The following ZBTB20 variants were observed in gnomAD, a reference collection of about 807,000 sequenced individuals.
ZBTB20 encodes zinc finger and BTB domain-containing protein 20.
In ZBTB20, 9 loss-of-function variants were observed where a neutral mutation model predicts 56.9. The ratio of observed to expected loss-of-function variants is 0.16; its 90% CI spans 0.10 to 0.28. The LOEUF (loss-of-function observed/expected upper bound fraction) is 0.28. ZBTB20 is among the 10% of genes least tolerant of loss of function. The pLI is 1.00. For synonymous variants in ZBTB20, 417 were observed against 420.7 expected (o/e 0.99, Z 0.11); for missense variants, 655 against 1,003.0 (o/e 0.65, Z 4.69).
chr3:115,058,946 T>C (rs2081916245), intron 2 of ZBTB20, among the ~76,000 whole-genome samples: 2 of 152,192 alleles, frequency 1.3e-5, no homozygotes, highest in African/African-American at 2.4e-5. Context: ...CCTTTTTCTG[T>C]AGTATCTAAT....
chr3:115,038,663 A>G (rs1474832430), intron 2 of ZBTB20, among the ~76,000 whole-genome samples: 1 of 152,138 alleles, frequency 6.6e-6, no homozygotes, highest in Non-Finnish European at 1.5e-5. Context: ...AATGTAAACA[A>G]TGCATCCAAC....
chr3:114,632,161 A>T (rs1029198942), intron 6 of ZBTB20, among the ~76,000 whole-genome samples: 2 of 152,190 alleles, frequency 1.3e-5, no homozygotes, highest in Non-Finnish European at 2.9e-5. Context: ...TTGTTACCTC[A>T]CAGTTGTGTT....
intron 2 of ZBTB20, among the ~76,000 whole-genome samples, chr3:115,043,860 G>A (rs577798245): frequency 3.3e-5 from 5 of 152,150 alleles, no homozygotes; most frequent in Middle Eastern, 3.4e-3. Context: ...GTTGGAGGAG[G>A]GCCTGGTGGG....
At chr3:114,434,740 A>G (rs2090394158) in intron 7 of ZBTB20, among the ~76,000 whole-genome samples, 3 of 152,126 alleles carry the variant, frequency 2.0e-5, no homozygotes, top group Admixed American at 2.0e-4. Context: ...ACAGTATTTG[A>G]GACTATCTGC....
At chr3:114,370,739 C>T (rs1024387163) in intron 10 of ZBTB20, among the ~76,000 whole-genome samples, 1 of 152,154 alleles carries the variant, frequency 6.6e-6, no homozygotes, top group African/African-American at 2.4e-5. Flanking sequence ...CCTGCTGTGC[C>T]CCAGGACCCT....
At chr3:114,706,087 A>AAGAGAG (rs149647100) in intron 5 of ZBTB20, among the ~76,000 whole-genome samples, 7 of 150,428 alleles carry the variant, frequency 4.7e-5, no homozygotes, top group Non-Finnish European at 7.4e-5. Context: ...GATGTAGAGA[A>AAGAGAG]AGAGAGAGAG....
chr3:114,926,204 G>C (rs1249567855), intron 3 of ZBTB20, among the ~76,000 whole-genome samples: 2 of 152,182 alleles, frequency 1.3e-5, no homozygotes, highest in African/African-American at 2.4e-5. Flanking sequence ...ATTGTCCCAT[G>C]TTGCCACTGC....
intron 6 of ZBTB20, among the ~76,000 whole-genome samples, chr3:114,546,321 T>C (rs1379584874): frequency 2.0e-5 from 3 of 152,146 alleles, no homozygotes; most frequent in Non-Finnish European, 2.9e-5. Context: ...TTTGGCAAAC[T>C]TCCTCTACCG....
At chr3:114,579,873 GTGGT>G (rs2054470230) in intron 6 of ZBTB20, among the ~76,000 whole-genome samples, 1 of 151,626 alleles carries the variant, frequency 6.6e-6, no homozygotes, top group South Asian at 2.1e-4. Flanking sequence ...AATTTCCTCT[GTGGT>G]TATTGGTTTA....
intron 2 of ZBTB20, among the ~76,000 whole-genome samples, chr3:115,025,149 T>C (rs1042033481): frequency 1.3e-5 from 2 of 151,424 alleles, no homozygotes; most frequent in African/African-American, 2.4e-5. Flanking sequence ...TATGTGTTCA[T>C]GTGTTCTCAT....
chr3:114,787,753 C>T (rs1211666258), intron 5 of ZBTB20, among the ~76,000 whole-genome samples: 1 of 151,972 alleles, frequency 6.6e-6, no homozygotes, highest in Non-Finnish European at 1.5e-5. Context: ...AAGGGAGTAA[C>T]TGATTACATA....
chr3:114,753,415 A>G lies in ZBTB20; in HGVS notation c.-343+47686T>C, dbSNP rs200903055. 7.0e-4 allele frequency among the ~76,000 whole-genome samples: 15 copies of G among 21,444 alleles called. 1 individual carries two copies. Among genetic ancestry groups the G allele is most frequent in the Admixed American group, 1.1e-3 (1 of 934 alleles). 14.1% of individuals were successfully genotyped at this position (21,444 alleles called of 152,430 possible). Reference sequence around the variant, plus strand: ...TGTATGTATATATATACACACACGTATATATATATATATATATACACACAC... The same window carrying G: ...TGTATGTATATATATACACACACGTGTATATATATATATATATACACACAC... On this transcript the variant is annotated intron_variant, in intron 5 of 11. Coordinates refer to ENST00000675478, the MANE Select transcript of ZBTB20 (RefSeq NM_001348800.3).
intron 5 of ZBTB20, chr3:114,743,682 T>C (rs1032322029): frequency 3.2e-5 from 5 of 154,284 alleles, no homozygotes; most frequent in African/African-American, 1.2e-4. Context: ...AATCAGAAAC[T>C]TGGTGAAGGG....
At chr3:114,476,976 A>T (rs2040845897) in intron 7 of ZBTB20, among the ~76,000 whole-genome samples, 1 of 152,184 alleles carries the variant, frequency 6.6e-6, no homozygotes, top group African/African-American at 2.4e-5. Flanking sequence ...AAAAATGGGT[A>T]TAATGGTAAC....
chr3:114,344,255 G>C (rs1391892843), intron 11 of ZBTB20, among the ~76,000 whole-genome samples: 1 of 152,200 alleles, frequency 6.6e-6, no homozygotes. Flanking sequence ...GAACTTTGGA[G>C]AGTTTCATCC....
chr3:114,613,741 T>G (rs2057723511), intron 6 of ZBTB20, among the ~76,000 whole-genome samples: 1 of 152,226 alleles, frequency 6.6e-6, no homozygotes, highest in African/African-American at 2.4e-5. Context: ...CAAGGATTCC[T>G]AGGTCGGGGG....
At chr3:114,527,298 G>C (rs982711786) in intron 6 of ZBTB20, 5 of 152,156 alleles carry the variant, frequency 3.3e-5, no homozygotes, top group African/African-American at 1.2e-4. Context: ...GAATGTTTCT[G>C]GCACTCAATC....
At chr3:114,592,639 AT>A (rs1377939615) in intron 6 of ZBTB20, among the ~76,000 whole-genome samples, 1 of 152,228 alleles carries the variant, frequency 6.6e-6, no homozygotes, top group Non-Finnish European at 1.5e-5. Flanking sequence ...AAGAGTCTGA[AT>A]TTCTATACTA....
At chr3:115,034,993 G>C (rs2080855581) in intron 2 of ZBTB20, among the ~76,000 whole-genome samples, 1 of 151,970 alleles carries the variant, frequency 6.6e-6, no homozygotes, top group African/African-American at 2.4e-5. Flanking sequence ...ATAGTGATTG[G>C]GAAAAGTGGG....
Sources: allele counts gnomAD v4.1 joint callset (sites outside exome capture counted in the v4.1 genomes callset), GRCh38; gene constraint gnomAD v4.1.1; transcripts MANE v1.5; gene names NCBI Gene and HGNC (gene_info 2026-07-23, HGNC 2026-07-21).